The following JARID2 variants were observed in gnomAD, a reference collection of about 807,000 sequenced individuals.
JARID2 encodes the protein jumonji and AT-rich interaction domain containing 2.
In JARID2, 21 loss-of-function variants were observed where a neutral mutation model predicts 125.6. The observed-to-expected ratio is 0.17, with a 90% confidence interval of 0.12 to 0.24. The LOEUF is 0.24. Among genes scored for constraint, JARID2 ranks in the 10% least tolerant of loss-of-function variants. The pLI is 1.00. For synonymous variants in JARID2, 736 were observed against 661.6 expected, an observed-to-expected ratio of 1.11 and a Z score of -1.73; for missense variants, 1,303 against 1,639.6, an observed-to-expected ratio of 0.79 and a Z score of 3.55.
rs769334510 is a variant in JARID2, at chr6:15,507,130, C to A, written c.2542-6C>A. The A allele has an allele frequency of 1.9e-6, 3 of 1,592,246 alleles. No homozygotes were observed. The African/African-American group carries it at 4.0e-5, about 21-fold the overall frequency. On this transcript the variant is annotated splice_region_variant and splice_polypyrimidine_tract_variant and intron_variant, in intron 9 of 17. Transcript: ENST00000341776. ...GTGCTGACCAGCCCTTTCCTGTTCCCTGCAGCAAGAGTACTGGAGGCTAGT... is the reference window on the plus strand; with the variant it reads ...GTGCTGACCAGCCCTTTCCTGTTCCATGCAGCAAGAGTACTGGAGGCTAGT...
chr6:15,418,145 A>C (rs1201874375), intron 3 of JARID2, among the ~76,000 whole-genome samples: 1 of 150,884 alleles, frequency 6.6e-6, no homozygotes, highest in Non-Finnish European at 1.5e-5. Flanking sequence ...TGCATTAGTC[A>C]TTGCTTCACC....
intron 1 of JARID2, among the ~76,000 whole-genome samples, chr6:15,373,795 A>G (rs1157142649): frequency 6.6e-6 from 1 of 152,224 alleles, no homozygotes; most frequent in African/African-American, 2.4e-5. Flanking sequence ...TTGTGGGTAT[A>G]ACAACACCTT....
In JARID2 at chr6:15,517,024, C is replaced by T. The variant is rs186488010; in HGVS notation, c.3451-137C>T. Reference sequence around the variant, plus strand: ...TTTCCAGTCCTCAAAGCCCTTGGCCCGGGTGGTGGGTGCTGGGGCTACTCT... The same window carrying T: ...TTTCCAGTCCTCAAAGCCCTTGGCCTGGGTGGTGGGTGCTGGGGCTACTCT... On this transcript the variant is annotated intron_variant, in intron 16 of 17. Transcript: ENST00000341776. 2.5e-4 allele frequency: 159 copies of T among 642,604 alleles called. 1 individual carries two copies. Among genetic ancestry groups the T allele is most frequent in the East Asian group, 1.6e-3 (61 of 37,192 alleles). 39.8% of individuals were successfully genotyped at this position (642,604 alleles called of 1,614,324 possible). A position where few individuals can be genotyped will look rare whatever the true frequency, so the allele number is the denominator to read the frequency against.
chr6:15,361,473 T>C (rs1392277140), intron 1 of JARID2, among the ~76,000 whole-genome samples: 2 of 152,248 alleles, frequency 1.3e-5, no homozygotes, highest in African/African-American at 4.8e-5. Flanking sequence ...TCTACATACA[T>C]CCACTTTGCT....
rs914704116 is a variant in JARID2 at position 15,521,914 on chromosome 6, T to G, written c.*1663T>G. 6.6e-6 allele frequency: 1 copy of G among 152,256 alleles called. No individual in the cohort carries two copies. The highest frequency in any genetic ancestry group is 1.5e-5 in the Non-Finnish European group (1 of 68,044). 9.4% of individuals were successfully genotyped at this position (152,256 alleles called of 1,614,324 possible). The stretch of plus-strand genomic sequence containing the variant: ...TTGACATTTAATTTATTAGCGCTGC[T>G]CTGCACCCCTCCCTTGGGAGGGAGA... On this transcript the variant is annotated 3_prime_UTR_variant, in exon 18 of 18. Transcript: ENST00000341776.
Position 15,452,072 on chromosome 6 carries a change from A to G in JARID2, c.390A>G (p.Val130=), listed in dbSNP as rs148700457. 984 of 1,614,022 alleles carry G rather than the reference A, an allele frequency of 6.1e-4. 11 individuals are homozygous for G. Among genetic ancestry groups the G allele is most frequent in the Middle Eastern group, 3.3e-4 (2 of 6,084 alleles). The stretch of plus-strand genomic sequence containing the variant: ...CGAATAGTCCCAGCACAACTCCAGT[A>G]AAGATAGTGGAGCCATTGCTACCCC... The part of the protein sequence containing the change: ...SQPNSPSTTP[V]KIVEPLLPPP... Residue 130 remains valine (V), a synonymous_variant, in exon 4 of 18, where the codon GTA becomes GTG. Coordinates refer to ENST00000341776, the MANE Select transcript of JARID2 (RefSeq NM_004973.4).
At chr6:15,464,574 G>T (rs189152106) in intron 4 of JARID2, among the ~76,000 whole-genome samples, 1 of 152,204 alleles carries the variant, frequency 6.6e-6, no homozygotes, top group East Asian at 1.9e-4. Flanking sequence ...GTCCTTGTGG[G>T]GTACCCCCCA....
At chr6:15,295,312 G>A (rs1020683521) in intron 1 of JARID2, among the ~76,000 whole-genome samples, 2 of 151,712 alleles carry the variant, frequency 1.3e-5, no homozygotes, top group South Asian at 2.1e-4. Context: ...TAGTAGAGAC[G>A]GGATTTCACC....
chr6:15,423,117 A>G (rs1766574907), intron 3 of JARID2, among the ~76,000 whole-genome samples: 1 of 151,612 alleles, frequency 6.6e-6, no homozygotes, highest in Non-Finnish European at 1.5e-5. Context: ...CTCCTGTCTC[A>G]GCCTCCAAGT....
intron 1 of JARID2, among the ~76,000 whole-genome samples, chr6:15,316,696 T>C (rs1490538014): frequency 6.6e-6 from 1 of 152,048 alleles, no homozygotes; most frequent in African/African-American, 2.4e-5. Context: ...AGAGACGGGG[T>C]TTCACCATGT....
At chr6:15,285,924 T>A (rs757457581) in intron 1 of JARID2, among the ~76,000 whole-genome samples, 4 of 152,216 alleles carry the variant, frequency 2.6e-5, no homozygotes, top group African/African-American at 4.8e-5. Context: ...GAGCAGCAGG[T>A]TGACAGTGGT....
Position 15,283,975 on chromosome 6 carries a change from G to A in JARID2, c.45+37391G>A, listed in dbSNP as rs535192539. ...GCCAGCCTCAGCCTCTCAAAGTGCT[G>A]GGATTACAGGCGTGAGCCACTGCAT... On this transcript the variant is annotated intron_variant, in intron 1 of 17. Coordinates refer to ENST00000341776, the MANE Select transcript of JARID2 (RefSeq NM_004973.4). 2.6e-5 allele frequency among the ~76,000 whole-genome samples: 4 copies of A among 152,258 alleles called. No individual in the cohort carries two copies. The East Asian group carries it at 7.7e-4, about 29-fold the overall frequency.
At chr6:15,504,965 T>G (rs1466619323) in intron 9 of JARID2, among the ~76,000 whole-genome samples, 5 of 152,206 alleles carry the variant, frequency 3.3e-5, no homozygotes, top group African/African-American at 1.2e-4. Context: ...ACCACAGTTG[T>G]GCTTTTTCTT....
At chr6:15,247,448 G>A in intron 1 of JARID2, 1 of 984,182 alleles carries the variant, frequency 1.0e-6, no homozygotes, top group Non-Finnish European at 1.2e-6. Flanking sequence ...AAGTTTGAGG[G>A]GAGGGAGGAA....
At chr6:15,271,391 T>G (rs1473648232) in intron 1 of JARID2, among the ~76,000 whole-genome samples, 1 of 152,252 alleles carries the variant, frequency 6.6e-6, no homozygotes, top group Non-Finnish European at 1.5e-5. Flanking sequence ...CTGATTTTGT[T>G]CTTGGTGCAG....
At chr6:15,318,428 A>G (rs1762248581) in intron 1 of JARID2, among the ~76,000 whole-genome samples, 2 of 152,206 alleles carry the variant, frequency 1.3e-5, no homozygotes, top group Admixed American at 6.5e-5. Flanking sequence ...TCGTATACCT[A>G]GAATAGTTTC....
chr6:15,370,442 A>G (rs542991364), intron 1 of JARID2, among the ~76,000 whole-genome samples: 16 of 148,678 alleles, frequency 1.1e-4, no homozygotes, highest in South Asian at 2.1e-4. Context: ...GGTTCATGCC[A>G]TTCTCCTGCC....
chr6:15,413,014 TTTTTTTTTG>T (rs1216049667), intron 3 of JARID2, among the ~76,000 whole-genome samples: 7,961 of 103,800 alleles, frequency 0.077, 1,331 homozygotes, highest in Non-Finnish European at 0.1. Context: ...TTTTGTTTTT[TTTTTTTTTG>T]TTTTTTTTTT....
At chr6:15,260,217 A>G (rs1217496289) in intron 1 of JARID2, among the ~76,000 whole-genome samples, 2 of 151,954 alleles carry the variant, frequency 1.3e-5, no homozygotes, top group Non-Finnish European at 2.9e-5. Flanking sequence ...GAGGGTCTGG[A>G]TTTGGGAGGG....
Sources: allele counts gnomAD v4.1 joint callset (sites outside exome capture counted in the v4.1 genomes callset), GRCh38; gene constraint gnomAD v4.1.1; transcripts MANE v1.5; gene names NCBI Gene and HGNC (gene_info 2026-07-23, HGNC 2026-07-21).